Variants in LRRC8B observed in about 807,000 individuals in gnomAD.
The protein encoded by LRRC8B is leucine rich repeat containing 8 VRAC subunit B, also known as volume-regulated anion channel subunit LRRC8B.
LRRC8B carries 23 observed loss-of-function variants against 58.8 expected under a neutral mutation model. The ratio of observed to expected loss-of-function variants is 0.39; its 90% confidence interval spans 0.28 to 0.55. LRRC8B has a LOEUF of 0.55. Among genes scored for constraint, LRRC8B ranks in the 20% least tolerant of loss-of-function variants. LRRC8B has a pLI of 0.62. For synonymous variants in LRRC8B, 359 were observed against 374.1 expected (o/e 0.96, Z 0.47); for missense variants, 694 against 936.0 (o/e 0.74, Z 3.37).
In LRRC8B at chr1:89,597,002, T is replaced by C. The variant is rs1655335921; in HGVS notation, c.*3959T>C. Reference sequence around the variant, plus strand: ...AGGAGTTATTTTGCATCCTAGTTTGTATTATGAAGTCATCATATATATATT... The same window carrying C: ...AGGAGTTATTTTGCATCCTAGTTTGCATTATGAAGTCATCATATATATATT... On this transcript the variant is annotated 3_prime_UTR_variant, in exon 6 of 6. Transcript: ENST00000330947. 1 of 152,216 alleles carries C rather than the reference T, an allele frequency of 6.6e-6. No homozygotes were observed. The highest frequency in any genetic ancestry group is 1.5e-5 in the Non-Finnish European group (1 of 68,008). 9.4% of individuals were successfully genotyped at this position (152,216 alleles called of 1,614,324 possible). A position where few individuals can be genotyped will look rare whatever the true frequency, so the allele number is the denominator to read the frequency against.
chr1:89,526,108 G>A lies in LRRC8B; in HGVS notation c.-241+1086G>A, dbSNP rs528434700. On this transcript the variant is annotated intron_variant, in intron 1 of 5. Coordinates refer to ENST00000330947, the MANE Select transcript of LRRC8B (RefSeq NM_001369817.2). ...CTGTCCCCTAAACCTAGGTGTAGGAGTGAGGATGGAAAAGAAGTCAAACTG... is the reference window on the plus strand; with the variant it reads ...CTGTCCCCTAAACCTAGGTGTAGGAATGAGGATGGAAAAGAAGTCAAACTG... Among the ~76,000 whole-genome samples, 7 of 152,354 alleles carry A rather than the reference G, an allele frequency of 4.6e-5. 1 individual carries two copies. Among genetic ancestry groups the A allele is most frequent in the African/African-American group, 1.4e-4 (6 of 41,584 alleles).
chr1:89,577,756 C>T (rs1653954126), intron 3 of LRRC8B, among the ~76,000 whole-genome samples: 1 of 152,078 alleles, frequency 6.6e-6, no homozygotes, highest in African/African-American at 2.4e-5. Flanking sequence ...AAATGTTTAG[C>T]TGAGAAAGTA....
At chr1:89,536,273 T>A (rs1315701764) in intron 1 of LRRC8B, among the ~76,000 whole-genome samples, 1 of 152,222 alleles carries the variant, frequency 6.6e-6, no homozygotes, top group Non-Finnish European at 1.5e-5. Context: ...GTGGCTTATG[T>A]AAGTGAACCA....
chr1:89,536,815 C>G (rs1418009889), intron 1 of LRRC8B, among the ~76,000 whole-genome samples: 1 of 152,114 alleles, frequency 6.6e-6, no homozygotes, highest in Non-Finnish European at 1.5e-5. Context: ...TTTGAGTAAG[C>G]TGATTCGAGT....
chr1:89,534,357 G>A (rs980804368), intron 1 of LRRC8B, among the ~76,000 whole-genome samples: 11 of 152,216 alleles, frequency 7.2e-5, no homozygotes, highest in East Asian at 1.9e-4. Context: ...CACATCATCC[G>A]TTTAAGAAAC....
intron 1 of LRRC8B, among the ~76,000 whole-genome samples, chr1:89,567,096 C>T (rs1653102046): frequency 6.6e-6 from 1 of 152,142 alleles, no homozygotes; most frequent in Admixed American, 6.5e-5. Context: ...TGACGCAGGC[C>T]GCCTGCCTCA....
At chr1:89,541,703 T>C (rs1650996527) in intron 1 of LRRC8B, among the ~76,000 whole-genome samples, 1 of 83,410 alleles carries the variant, frequency 1.2e-5, no homozygotes. Flanking sequence ...AGAGGGAGAC[T>C]CCGTCTCAAA....
rs566944395 is a variant in LRRC8B, at chr1:89,547,493, A to G, written c.-240-20754A>G. Reference sequence around the variant, plus strand: ...TGTATGTTTAAAATTTTCCATAATAAAATGTTAAAACAGCAATTATGGAAT... The same window carrying G: ...TGTATGTTTAAAATTTTCCATAATAGAATGTTAAAACAGCAATTATGGAAT... On this transcript the variant is annotated intron_variant, in intron 1 of 5. Coordinates refer to ENST00000330947, the MANE Select transcript of LRRC8B (RefSeq NM_001369817.2). Among the ~76,000 whole-genome samples the G allele has an allele frequency of 2.6e-5, 4 of 152,320 alleles. No homozygotes were observed. In the East Asian group the frequency reaches 7.7e-4, roughly 29 times the overall value.
intron 3 of LRRC8B, among the ~76,000 whole-genome samples, chr1:89,570,373 G>A (rs182123689): frequency 2.6e-5 from 4 of 151,990 alleles, no homozygotes; most frequent in African/African-American, 4.8e-5. Flanking sequence ...CCACAACCTC[G>A]CCAGCATCTC....
At chr1:89,590,571 A>G (rs1654911824) in intron 5 of LRRC8B, among the ~76,000 whole-genome samples, 1 of 152,234 alleles carries the variant, frequency 6.6e-6, no homozygotes, top group African/African-American at 2.4e-5. Context: ...CCTCTCTTCT[A>G]GTGGAGCCTA....
chr1:89,530,870 C>T (rs1457942699), intron 1 of LRRC8B, among the ~76,000 whole-genome samples: 1 of 152,128 alleles, frequency 6.6e-6, no homozygotes, highest in East Asian at 1.9e-4. Context: ...TTTCTCCTTG[C>T]CGTGTCCTGC....
Position 89,583,610 on chromosome 1 carries a change from C to G in LRRC8B, c.960C>G (p.Val320=). Residue 320 remains valine, a synonymous_variant, in exon 5 of 6, where the codon GTC becomes GTG. Transcript: ENST00000330947. This position sits in a 1 kb window ranked among gnomAD's most constrained non-coding sequence, Gnocchi z 5.2. The part of the protein sequence containing the change: ...EIFKVLASFY[V]ILVILYGLTS... The stretch of plus-strand genomic sequence containing the variant: ...TTAAGGTCCTGGCTTCATTTTATGT[C>G]ATTTTGGTTATACTTTATGGTCTGA... The G allele has an allele frequency of 6.2e-7, 1 of 1,612,086 alleles. No homozygotes were observed.
intron 1 of LRRC8B, among the ~76,000 whole-genome samples, chr1:89,542,270 C>T (rs1460805330): frequency 6.6e-6 from 1 of 152,216 alleles, no homozygotes; most frequent in Admixed American, 6.5e-5. Flanking sequence ...GGCTCAGTCT[C>T]CTATGAGTTT....
intron 3 of LRRC8B, among the ~76,000 whole-genome samples, chr1:89,571,380 A>G (rs1653462930): frequency 6.6e-6 from 1 of 152,092 alleles, no homozygotes; most frequent in Middle Eastern, 3.2e-3. Flanking sequence ...CTTTTGTGTC[A>G]TCTCCAATTT....
intron 1 of LRRC8B, among the ~76,000 whole-genome samples, chr1:89,559,602 T>C: frequency 1.0e-5 from 1 of 97,362 alleles, no homozygotes; most frequent in South Asian, 3.8e-4. Context: ...AGACCCTGTC[T>C]CAAAAAAAAA....
At chr1:89,525,373 C>T (rs1437082558) in intron 1 of LRRC8B, among the ~76,000 whole-genome samples, 1 of 152,146 alleles carries the variant, frequency 6.6e-6, no homozygotes. Flanking sequence ...GTCCTCGGGG[C>T]GGGGCGGGAA....
At chr1:89,537,000 A>G (rs1331334339) in intron 1 of LRRC8B, among the ~76,000 whole-genome samples, 1 of 152,190 alleles carries the variant, frequency 6.6e-6, no homozygotes, top group Non-Finnish European at 1.5e-5. Flanking sequence ...CCCCTGTTCT[A>G]TTTCAGTCAT....
At position 89,597,530 on chromosome 1, in the gene LRRC8B, A is replaced by G. The variant is rs1655352750; in HGVS notation, c.*4487A>G. 1 of 152,212 alleles carries G rather than the reference A, an allele frequency of 6.6e-6. No individual in the cohort carries two copies. The highest frequency in any genetic ancestry group is 2.4e-5 in the African/African-American group (1 of 41,456). 9.4% of individuals were successfully genotyped at this position (152,212 alleles called of 1,614,324 possible). ...AAGAAGATTTTTTTTAAATTCTTCAAATACTTCACTTAGTGAAATAATGGG... is the reference window on the plus strand; with the variant it reads ...AAGAAGATTTTTTTTAAATTCTTCAGATACTTCACTTAGTGAAATAATGGG... On this transcript the variant is annotated 3_prime_UTR_variant, in exon 6 of 6. Coordinates refer to ENST00000330947, the MANE Select transcript of LRRC8B (RefSeq NM_001369817.2).
chr1:89,574,613 A>G (rs1408831264), intron 3 of LRRC8B, among the ~76,000 whole-genome samples: 1 of 151,682 alleles, frequency 6.6e-6, no homozygotes, highest in Non-Finnish European at 1.5e-5. Flanking sequence ...TTTTTTTTTG[A>G]TACTGTGATC....
Sources: gnomAD v4.1 joint callset for allele counts (sites outside exome capture counted in the v4.1 genomes callset) on GRCh38, gnomAD v4.1.1 for gene constraint, Gnocchi (gnomAD v3.1) non-coding constraint, MANE v1.5 for transcripts, NCBI Gene and HGNC (gene_info 2026-07-23, HGNC 2026-07-21) for gene names.